Variants in NKAIN2 observed in about 807,000 individuals in gnomAD.
NKAIN2 encodes sodium/potassium transporting ATPase interacting 2, also known as sodium/potassium-transporting ATPase subunit beta-1-interacting protein 2.
NKAIN2 carries 14 observed loss-of-function variants against 32.6 expected under a neutral mutation model. The ratio of observed to expected loss-of-function variants is 0.43; its 90% CI spans 0.28 to 0.67. The LOEUF is 0.67. Ranked by LOEUF, NKAIN2 falls within the 30% of genes least tolerant of loss-of-function variation. The probability of loss-of-function intolerance (pLI) is 0.17; values close to 1 mark genes in which losing one functional copy is unlikely to be tolerated. For synonymous variants in NKAIN2, 80 were observed against 87.2 expected (o/e 0.92, Z 0.46); for missense variants, 198 against 258.3 (o/e 0.77, Z 1.60).
rs1406270986 is a variant in NKAIN2 at position 124,627,023 on chromosome 6, A to G, written c.274-31163A>G. Reference sequence around the variant, plus strand: ...GGTGGCTCACACCAGTAATCCTGACATTTTGGGAGGACAAGGTGGGTGGAT... The same window carrying G: ...GGTGGCTCACACCAGTAATCCTGACGTTTTGGGAGGACAAGGTGGGTGGAT... On this transcript the variant is annotated intron_variant, in intron 3 of 6. Transcript: ENST00000368417. Among the ~76,000 whole-genome samples the G allele has an allele frequency of 2.0e-5, 3 of 152,178 alleles. No homozygotes were observed. The South Asian group carries it at 6.2e-4, about 31-fold the overall frequency.
chr6:124,804,412 T>C, intron 5 of NKAIN2: 1 of 653,724 alleles, frequency 1.5e-6, no homozygotes, highest in Non-Finnish European at 1.9e-6. Context: ...CGATATACTT[T>C]ATTTATTATG....
At chr6:124,603,186 G>A (rs1484619367) in intron 3 of NKAIN2, among the ~76,000 whole-genome samples, 1 of 151,914 alleles carries the variant, frequency 6.6e-6, no homozygotes, top group Non-Finnish European at 1.5e-5. Context: ...AAGCCATACA[G>A]CTTTTATTCA....
intron 1 of NKAIN2, among the ~76,000 whole-genome samples, chr6:123,850,996 A>T (rs901279066): frequency 1.3e-5 from 2 of 151,902 alleles, no homozygotes; most frequent in African/African-American, 4.8e-5. Context: ...CTCCAGTTAC[A>T]TATTTTTTTC....
chr6:124,595,937 C>G (rs918617001), intron 3 of NKAIN2, among the ~76,000 whole-genome samples: 8 of 151,942 alleles, frequency 5.3e-5, no homozygotes, highest in Non-Finnish European at 1.0e-4. Flanking sequence ...TTGGGGAGCA[C>G]GGGTAGGGGA....
chr6:123,889,467 T>C (rs17086288), intron 1 of NKAIN2, among the ~76,000 whole-genome samples: 13,762 of 152,108 alleles, frequency 0.09, 1,989 homozygotes, highest in African/African-American at 0.3. Flanking sequence ...ATCGGTTTTG[T>C]AACTCATTTG....
chr6:123,847,986 T>G (rs1384681532), intron 1 of NKAIN2, among the ~76,000 whole-genome samples: 1 of 152,152 alleles, frequency 6.6e-6, no homozygotes, highest in Non-Finnish European at 1.5e-5. Flanking sequence ...GCAGCAGCGT[T>G]CTAGCTCCTA....
chr6:124,171,547 A>ATTTT (rs10665262), intron 1 of NKAIN2, among the ~76,000 whole-genome samples: 2,880 of 96,390 alleles, frequency 0.03, 203 homozygotes, highest in Middle Eastern at 0.066. Context: ...GGCCGATTTG[A>ATTTT]TTTTTTTTTT....
At chr6:124,077,051 C>T (rs889491090) in intron 1 of NKAIN2, among the ~76,000 whole-genome samples, 6 of 152,076 alleles carry the variant, frequency 3.9e-5, no homozygotes, top group South Asian at 2.1e-4. Context: ...TTTGTAAATT[C>T]GAAATAACAG....
intron 3 of NKAIN2, among the ~76,000 whole-genome samples, chr6:124,465,924 A>T (rs922042094): frequency 2.6e-5 from 4 of 152,168 alleles, no homozygotes; most frequent in African/African-American, 9.6e-5. Flanking sequence ...AAACATGTGA[A>T]TGTTTGCTAA....
intron 1 of NKAIN2, among the ~76,000 whole-genome samples, chr6:124,158,765 A>G (rs1788117264): frequency 6.6e-6 from 1 of 152,202 alleles, no homozygotes; most frequent in Non-Finnish European, 1.5e-5. Flanking sequence ...CTCTGCATTT[A>G]TAGTCCAGAA....
chr6:124,098,102 G>A (rs1187623553), intron 1 of NKAIN2, among the ~76,000 whole-genome samples: 2 of 151,960 alleles, frequency 1.3e-5, no homozygotes, highest in Non-Finnish European at 1.5e-5. Flanking sequence ...GTAAAAGGAG[G>A]GATGCAATAT....
At chr6:124,231,516 C>T (rs2114736408) in intron 1 of NKAIN2, among the ~76,000 whole-genome samples, 1 of 152,180 alleles carries the variant, frequency 6.6e-6, no homozygotes, top group Admixed American at 6.5e-5. Context: ...AATTGTACTC[C>T]CATAATTCCC....
chr6:124,166,544 G>T (rs1256611477), intron 1 of NKAIN2, among the ~76,000 whole-genome samples: 2 of 150,820 alleles, frequency 1.3e-5, no homozygotes, highest in Non-Finnish European at 3.0e-5. Flanking sequence ...TGTCAATTTT[G>T]TCTTTTGTTG....
intron 3 of NKAIN2, among the ~76,000 whole-genome samples, chr6:124,369,701 C>T (rs1015507653): frequency 1.3e-5 from 2 of 152,014 alleles, no homozygotes; most frequent in Middle Eastern, 6.8e-3. Context: ...AAAAGTATGT[C>T]CAATTCCTCA....
At chr6:124,138,360 A>G (rs1410785840) in intron 1 of NKAIN2, among the ~76,000 whole-genome samples, 3 of 152,174 alleles carry the variant, frequency 2.0e-5, no homozygotes, top group Admixed American at 1.3e-4. Flanking sequence ...GATGTGGTGA[A>G]AAGTGTGGAA....
intron 3 of NKAIN2, among the ~76,000 whole-genome samples, chr6:124,492,185 A>T (rs1777890604): frequency 6.6e-6 from 1 of 151,958 alleles, no homozygotes; most frequent in Admixed American, 6.6e-5. Context: ...AAAAAATGAT[A>T]TTTATTTTTC....
At chr6:124,392,480 G>A (rs1324133155) in intron 3 of NKAIN2, among the ~76,000 whole-genome samples, 1 of 152,078 alleles carries the variant, frequency 6.6e-6, no homozygotes, top group East Asian at 1.9e-4. Flanking sequence ...ATTAATTCTA[G>A]AAATATCAGA....
At chr6:124,437,871 G>GTTTT (rs751652394) in intron 3 of NKAIN2, 16 of 345,724 alleles carry the variant, frequency 4.6e-5, no homozygotes, top group African/African-American at 3.5e-4. Flanking sequence ...CTGATCTATT[G>GTTTT]ATTTTTTTTT....
intron 2 of NKAIN2, among the ~76,000 whole-genome samples, chr6:124,353,847 G>C (rs528640862): frequency 6.6e-6 from 1 of 152,248 alleles, no homozygotes; most frequent in South Asian, 2.1e-4. Flanking sequence ...TGACTCCAGA[G>C]ATCAACTGAA....
Sources: allele counts gnomAD v4.1 joint callset (sites outside exome capture counted in the v4.1 genomes callset), GRCh38; gene constraint gnomAD v4.1.1; transcripts MANE v1.5; gene names NCBI Gene and HGNC (gene_info 2026-07-23, HGNC 2026-07-21).